Variants in RIT2 observed in about 807,000 individuals in gnomAD.
RIT2 encodes the protein Ras like without CAAX 2.
In RIT2, 24 loss-of-function variants were observed where a neutral mutation model predicts 23.7. The observed-to-expected ratio is 1.01, with a 90% CI of 0.73 to 1.43. RIT2 has a LOEUF of 1.43. Ranked by LOEUF, RIT2 falls within the 40% of genes most tolerant of loss-of-function variation. The pLI is 0.00. For synonymous variants in RIT2, 107 were observed against 91.1 expected, an observed-to-expected ratio of 1.17 and a Z score of -0.99; for missense variants, 236 against 266.9, an observed-to-expected ratio of 0.88 and a Z score of 0.81.
At chr18:42,743,972 A>C (rs548587770) in intron 4 of RIT2, among the ~76,000 whole-genome samples, 1 of 152,172 alleles carries the variant, frequency 6.6e-6, no homozygotes, top group Admixed American at 6.5e-5. Flanking sequence ...TCCTTGCCTT[A>C]ACTGATGAAA....
At chr18:42,781,282 G>A (rs769304525) in intron 4 of RIT2, among the ~76,000 whole-genome samples, 6 of 151,992 alleles carry the variant, frequency 3.9e-5, no homozygotes, top group African/African-American at 7.2e-5. Context: ...TCAAATATCT[G>A]TCTTCCTCTT....
intron 3 of RIT2, among the ~76,000 whole-genome samples, chr18:42,959,782 G>C (rs1043363639): frequency 2.1e-4 from 32 of 152,140 alleles, no homozygotes; most frequent in African/African-American, 7.7e-4. Context: ...TCAACAGCCT[G>C]GTGAGAACAT....
intron 4 of RIT2, among the ~76,000 whole-genome samples, chr18:42,865,772 G>A (rs1907453377): frequency 6.6e-6 from 1 of 152,058 alleles, no homozygotes. Flanking sequence ...ATCTAACTCT[G>A]AGCCTCCCCC....
At chr18:42,930,067 T>C (rs903001836) in intron 3 of RIT2, among the ~76,000 whole-genome samples, 2 of 152,134 alleles carry the variant, frequency 1.3e-5, no homozygotes, top group African/African-American at 2.4e-5. Context: ...GGCGTTAGTA[T>C]GACTCATATA....
chr18:42,927,669 A>C (rs2144139902), intron 3 of RIT2, among the ~76,000 whole-genome samples: 1 of 152,106 alleles, frequency 6.6e-6, no homozygotes, highest in African/African-American at 2.4e-5. Context: ...CAGGAACATT[A>C]CCAGATTCCA....
At chr18:42,926,719 A>T (rs911941943) in intron 3 of RIT2, among the ~76,000 whole-genome samples, 1 of 152,002 alleles carries the variant, frequency 6.6e-6, no homozygotes, top group Non-Finnish European at 1.5e-5. Context: ...TAGATATGTC[A>T]AGGAATAACA....
intron 4 of RIT2, among the ~76,000 whole-genome samples, chr18:42,918,083 C>T (rs1006064188): frequency 6.6e-6 from 1 of 152,160 alleles, no homozygotes; most frequent in Non-Finnish European, 1.5e-5. Context: ...CATACCCATA[C>T]TCAAATTGTT....
chr18:43,037,737 C>T (rs527813749), intron 1 of RIT2, among the ~76,000 whole-genome samples: 1 of 151,908 alleles, frequency 6.6e-6, no homozygotes, highest in African/African-American at 2.4e-5. Context: ...GGGTTCTTGC[C>T]TACTTAGAAC....
chr18:42,919,398 CTATCTTCAGGA>C (rs1169085193), intron 4 of RIT2, among the ~76,000 whole-genome samples: 21 of 152,054 alleles, frequency 1.4e-4, no homozygotes, highest in African/African-American at 4.8e-4. Flanking sequence ...AAAGGTTTGT[CTATCTTCAGGA>C]TATCTTCAGG....
chr18:42,914,093 C>T (rs1908841984), intron 4 of RIT2, among the ~76,000 whole-genome samples: 1 of 151,966 alleles, frequency 6.6e-6, no homozygotes, highest in South Asian at 2.1e-4. Context: ...TATTATTAGT[C>T]ATTAGACTAA....
At chr18:42,784,166 T>C (rs2143936675) in intron 4 of RIT2, among the ~76,000 whole-genome samples, 1 of 152,088 alleles carries the variant, frequency 6.6e-6, no homozygotes, top group African/African-American at 2.4e-5. Context: ...ATCTCCCTTT[T>C]GCATATCTAA....
intron 1 of RIT2, among the ~76,000 whole-genome samples, chr18:43,058,697 G>A (rs2144319506): frequency 6.6e-6 from 1 of 152,080 alleles, no homozygotes; most frequent in Middle Eastern, 3.4e-3. Flanking sequence ...GACCAGCCTG[G>A]GCAACATGGC....
intron 1 of RIT2, among the ~76,000 whole-genome samples, chr18:43,040,012 G>T (rs1377674120): frequency 6.6e-6 from 1 of 152,116 alleles, no homozygotes; most frequent in African/African-American, 2.4e-5. Context: ...TAAAAAGGCC[G>T]AGAGAAAAGT....
intron 1 of RIT2, among the ~76,000 whole-genome samples, chr18:43,108,731 T>A (rs1361786443): frequency 6.6e-6 from 1 of 152,190 alleles, no homozygotes; most frequent in Non-Finnish European, 1.5e-5. Context: ...TAGATACCAA[T>A]TTACTCTTTT....
chr18:42,922,564 A>C (rs1909079621), intron 4 of RIT2, among the ~76,000 whole-genome samples: 1 of 152,144 alleles, frequency 6.6e-6, no homozygotes, highest in African/African-American at 2.4e-5. Context: ...ATGGGAATGG[A>C]ATTGTGATAT....
rs529742478 is a variant in RIT2 at position 42,793,681 on chromosome 18, TAA to T, written c.427-49963_427-49962del. 1.7e-4 allele frequency among the ~76,000 whole-genome samples: 26 copies of T among 152,066 alleles called. No individual in the cohort carries two copies. In the South Asian group the frequency reaches 5.2e-3, roughly 30 times the overall value. ...ATTCCAAATTTAGAAGTTGGACAGA[TAA>T]AGAGAACCCAAAGGGAAAAAAGACT... On this transcript the variant is annotated intron_variant, in intron 4 of 4. Transcript: ENST00000326695.
At chr18:43,061,817 C>T (rs1912653422) in intron 1 of RIT2, among the ~76,000 whole-genome samples, 1 of 152,170 alleles carries the variant, frequency 6.6e-6, no homozygotes, top group Admixed American at 6.5e-5. Context: ...CTGCCTTACT[C>T]ACTCTACAGC....
intron 4 of RIT2, among the ~76,000 whole-genome samples, chr18:42,819,279 C>CAAAAACA (rs1262779035): frequency 2.6e-5 from 4 of 152,036 alleles, no homozygotes; most frequent in African/African-American, 4.8e-5. Flanking sequence ...ACAGTCCTTG[C>CAAAAACA]ATTTCTATCC....
chr18:43,020,806 C>T, intron 2 of RIT2, among the ~76,000 whole-genome samples: 1 of 152,044 alleles, frequency 6.6e-6, no homozygotes, highest in East Asian at 1.9e-4. Flanking sequence ...ACTAGATATC[C>T]ATATGCAAAA....
Sources: gnomAD v4.1 joint callset for allele counts (sites outside exome capture counted in the v4.1 genomes callset) on GRCh38, gnomAD v4.1.1 for gene constraint, MANE v1.5 for transcripts, NCBI Gene and HGNC (gene_info 2026-07-23, HGNC 2026-07-21) for gene names.